The following MYO16 variants were observed in gnomAD, a reference collection of about 807,000 sequenced individuals.
The protein encoded by MYO16 is unconventional myosin-XVI.
Under a neutral mutation model 205.3 loss-of-function variants are expected in MYO16, and 94 were observed. The ratio of observed to expected loss-of-function variants is 0.46; its 90% CI spans 0.39 to 0.54. The LOEUF (loss-of-function observed/expected upper bound fraction) is 0.54, where lower values mean the gene tolerates loss of function less well. MYO16 is among the 20% of genes least tolerant of loss of function. MYO16 has a pLI of 0.00. For missense variants in MYO16, 2,315 were observed against 2,387.5 expected (o/e 0.97, Z 0.63); for synonymous variants, 988 against 954.0 (o/e 1.04, Z -0.66).
intron 20 of MYO16, among the ~76,000 whole-genome samples, chr13:108,965,673 T>C (rs1312490757): frequency 6.6e-6 from 1 of 152,232 alleles, no homozygotes; most frequent in Non-Finnish European, 1.5e-5. Context: ...CCCAAAGTGC[T>C]GGGATTACAG....
upstream of MYO16, among the ~76,000 whole-genome samples, chr13:108,593,662 A>G (rs1483890009): frequency 6.6e-6 from 1 of 152,144 alleles, no homozygotes; most frequent in Non-Finnish European, 1.5e-5. Flanking sequence ...TACTGAGGAT[A>G]TGGATACATT....
chr13:108,883,260 C>T, intron 13 of MYO16, 74 bp downstream of exon 13: 3 of 1,529,456 alleles, frequency 2.0e-6, no homozygotes, highest in South Asian at 1.2e-5. Context: ...TACTCATTTC[C>T]TATGGTTTAC....
At chr13:108,977,489 C>T (rs1218786042) in intron 20 of MYO16, among the ~76,000 whole-genome samples, 1 of 152,148 alleles carries the variant, frequency 6.6e-6, no homozygotes, top group Non-Finnish European at 1.5e-5. Flanking sequence ...CTGGCACATG[C>T]CCACGGATGT....
At chr13:109,177,012 G>A (rs1019949007) in intron 33 of MYO16, among the ~76,000 whole-genome samples, 15 of 152,104 alleles carry the variant, frequency 9.9e-5, no homozygotes, top group Admixed American at 4.6e-4. Context: ...GCTACCTATC[G>A]TCTCCAAAGT....
intron 7 of MYO16, among the ~76,000 whole-genome samples, chr13:108,811,839 C>T (rs1298878265): frequency 1.3e-5 from 2 of 152,160 alleles, no homozygotes; most frequent in Non-Finnish European, 2.9e-5. Context: ...TTATCCCCCT[C>T]CCCCACTCTT....
chr13:108,973,859 C>G (rs1262359167), intron 20 of MYO16, among the ~76,000 whole-genome samples: 3 of 151,858 alleles, frequency 2.0e-5, no homozygotes, highest in African/African-American at 7.3e-5. Context: ...TTAGGTGAGA[C>G]TTGTTATCTT....
the MYO16 span, among the ~76,000 whole-genome samples, chr13:108,561,553 G>T: frequency 6.6e-6 from 1 of 152,148 alleles, no homozygotes; most frequent in African/African-American, 2.4e-5. Flanking sequence ...CTGAGGTTAG[G>T]TATTATAAAG....
the MYO16 span, among the ~76,000 whole-genome samples, chr13:108,545,003 T>TA: frequency 6.6e-6 from 1 of 151,808 alleles, no homozygotes; most frequent in Non-Finnish European, 1.5e-5. Context: ...CTTTTTTTTT[T>TA]AATTTTACTT....
At chr13:108,749,574 G>A (rs4772990) in intron 4 of MYO16, among the ~76,000 whole-genome samples, 67,982 of 151,680 alleles carry the variant, frequency 0.45, 15,328 homozygotes, top group East Asian at 0.55. Flanking sequence ...CAGTACCACC[G>A]TATACTCATT....
intron 4 of MYO16, among the ~76,000 whole-genome samples, chr13:108,782,555 A>C (rs1886335618): frequency 6.6e-6 from 1 of 152,342 alleles, no homozygotes; most frequent in Non-Finnish European, 1.5e-5. Flanking sequence ...AATTTGCATA[A>C]GTGGCAAGGA....
At chr13:108,597,881 T>G (rs1239288789) in intron 1 of MYO16, among the ~76,000 whole-genome samples, 1 of 152,220 alleles carries the variant, frequency 6.6e-6, no homozygotes, top group East Asian at 1.9e-4. Flanking sequence ...ATTTATAATC[T>G]TGTAACTCTA....
chr13:108,660,516 A>G (rs1007720775), intron 1 of MYO16, among the ~76,000 whole-genome samples: 1 of 152,188 alleles, frequency 6.6e-6, no homozygotes, highest in Non-Finnish European at 1.5e-5. Context: ...GCCTTTTACC[A>G]TTATATAATG....
chr13:108,793,720 A>G, intron 6 of MYO16, 80 bp downstream of exon 6: 1 of 1,389,338 alleles, frequency 7.2e-7, no homozygotes, highest in Non-Finnish European at 9.7e-7. Flanking sequence ...TCATTAAATT[A>G]ACCTTTAAAT....
the MYO16 span, among the ~76,000 whole-genome samples, chr13:108,509,587 C>CTA: frequency 6.6e-6 from 1 of 152,134 alleles, no homozygotes; most frequent in Admixed American, 6.5e-5. Context: ...TAAAAGTGGG[C>CTA]TATGATTGGC....
chr13:108,953,649 T>C (rs1883241190), intron 16 of MYO16, among the ~76,000 whole-genome samples: 1 of 152,148 alleles, frequency 6.6e-6, no homozygotes, highest in Non-Finnish European at 1.5e-5. Flanking sequence ...CCATGCATAT[T>C]TTCCAAGTTT....
At chr13:108,889,058 A>AAAAAG (rs1205657147) in intron 14 of MYO16, among the ~76,000 whole-genome samples, 1 of 152,066 alleles carries the variant, frequency 6.6e-6, no homozygotes, top group African/African-American at 2.4e-5. Flanking sequence ...TCTCAAAAAA[A>AAAAAG]AAAAGAAAAG....
At chr13:108,706,408 G>A (rs1883511806) in intron 2 of MYO16, among the ~76,000 whole-genome samples, 1 of 152,178 alleles carries the variant, frequency 6.6e-6, no homozygotes, top group South Asian at 2.1e-4. Context: ...CCTTGAGGAG[G>A]AGAAGGAATG....
At chr13:108,749,206 T>C (rs927915682) in intron 4 of MYO16, among the ~76,000 whole-genome samples, 40 of 152,038 alleles carry the variant, frequency 2.6e-4, no homozygotes, top group African/African-American at 8.5e-4. Context: ...AACTATACAA[T>C]ATATTGTTAT....
At chr13:109,091,571 G>T (rs2139691293) in intron 27 of MYO16, among the ~76,000 whole-genome samples, 1 of 152,216 alleles carries the variant, frequency 6.6e-6, no homozygotes, top group South Asian at 2.1e-4. Flanking sequence ...ACCTCAGTGG[G>T]CATCTGCTTC....
Sources: allele counts gnomAD v4.1 joint callset (sites outside exome capture counted in the v4.1 genomes callset), GRCh38; gene constraint gnomAD v4.1.1; transcripts MANE v1.5; gene names NCBI Gene and HGNC (gene_info 2026-07-23, HGNC 2026-07-21).